Variants in JADE2 observed in about 807,000 individuals in gnomAD.
JADE2 encodes the protein jade family PHD finger 2.
A neutral mutation model predicts 85.7 loss-of-function variants in JADE2; 13 were observed. That is an observed-to-expected ratio of 0.15 (90% CI 0.10 to 0.24). The LOEUF (loss-of-function observed/expected upper bound fraction) is 0.24, where lower values mean the gene tolerates loss of function less well. Ranked by LOEUF, JADE2 falls within the 10% of genes least tolerant of loss-of-function variation. The pLI, the probability that JADE2 is intolerant of heterozygous loss-of-function variation, is 1.00. For synonymous variants in JADE2, 440 were observed against 456.1 expected (o/e 0.96, Z 0.45); for missense variants, 846 against 1,115.9 (o/e 0.76, Z 3.45).
chr5:134,555,718 A>G (rs1249487558), intron 4 of JADE2, among the ~76,000 whole-genome samples: 3 of 152,210 alleles, frequency 2.0e-5, no homozygotes, highest in Non-Finnish European at 4.4e-5. Flanking sequence ...CTGGTTCACA[A>G]CCAAATTACA....
At chr5:134,557,202 T>TGA (rs1763008491) in intron 4 of JADE2, among the ~76,000 whole-genome samples, 1 of 150,512 alleles carries the variant, frequency 6.6e-6, no homozygotes, top group African/African-American at 2.4e-5. Flanking sequence ...ATTGTTGTTA[T>TGA]TATGATGATG....
rs779194371 is a variant in JADE2 at position 134,578,776 on chromosome 5, C to T, written c.1964C>T (p.Pro655Leu). Residue 655 changes from proline to leucine, a missense_variant, in exon 12 of 12, where the codon CCG (proline) becomes CTG (leucine). Pro to Leu is a moderately conservative substitution (Grantham distance 98, BLOSUM62 -3). Around this residue, in one of 9 missense-constraint regions of JADE2, gnomAD observed 300 missense variants for 300.7 expected, o/e 1.00. Coordinates refer to ENST00000681547, the MANE Select transcript of JADE2 (RefSeq NM_001388185.1). The surrounding 1 kb of genome is among the most constrained non-coding windows in gnomAD (Gnocchi z 4.4). ...AAGAAGAAACCACCACCACCACCACCGCAGGACGGGCCTGGTTCACGGACG... is the reference window on the plus strand; with the variant it reads ...AAGAAGAAACCACCACCACCACCACTGCAGGACGGGCCTGGTTCACGGACG... ...PAKKKPPPPP[P>L]QDGPGSRTTP... 1.9e-5 allele frequency: 31 copies of T among 1,613,652 alleles called. No homozygotes were observed. The highest frequency in any genetic ancestry group is 1.6e-4 in the Middle Eastern group (1 of 6,080).
intron 10 of JADE2, 70 bp downstream of exon 10, chr5:134,573,832 G>T (rs1581482817): frequency 3.0e-6 from 3 of 1,000,848 alleles, no homozygotes; most frequent in South Asian, 2.5e-5. Context: ...TCCCAAGGAG[G>T]GTGTGTCTTT....
intron 2 of JADE2, 34 bp from the exon 3 acceptor site, chr5:134,537,955 C>T: frequency 6.4e-7 from 1 of 1,554,308 alleles, no homozygotes; most frequent in Non-Finnish European, 8.9e-7. Context: ...TCCTGGCCCT[C>T]CAGGACCCCT....
At chr5:134,539,156 G>A (rs1220666885) in intron 3 of JADE2, among the ~76,000 whole-genome samples, 1 of 151,778 alleles carries the variant, frequency 6.6e-6, no homozygotes, top group Non-Finnish European at 1.5e-5. Flanking sequence ...CCGCCTCTTG[G>A]GTTCACGCCA....
chr5:134,570,810 G>A (rs1490810321), intron 9 of JADE2, among the ~76,000 whole-genome samples: 2 of 152,176 alleles, frequency 1.3e-5, no homozygotes, highest in Admixed American at 6.5e-5. Context: ...TCCCAGGGCT[G>A]GAGACCTCAG....
chr5:134,525,524 G>A, upstream of JADE2: 1 of 313,528 alleles, frequency 3.2e-6, no homozygotes, highest in Non-Finnish European at 5.7e-6. Context: ...GGCGACGGGG[G>A]TGTCGGGAGC....
At chr5:134,526,696 G>A (rs1051901526) in intron 1 of JADE2, 1 of 985,502 alleles carries the variant, frequency 1.0e-6, no homozygotes, top group Non-Finnish European at 1.2e-6. Flanking sequence ...CTCGGCTCCT[G>A]GGGTTGGAGG....
Position 134,564,150 on chromosome 5 carries a change from G to A in JADE2, c.853-344G>A, listed in dbSNP as rs1038689054. The A allele has an allele frequency of 4.5e-5, 8 of 179,622 alleles. No homozygotes were observed. The East Asian group carries it at 7.4e-4, about 17-fold the overall frequency. 11.1% of individuals were successfully genotyped at this position (179,622 alleles called of 1,614,324 possible). ...AGGAGGATCTTGCATGTACCTATGC[G>A]CACACCAAAGCACCTGTCTGTCAAG... On this transcript the variant is annotated intron_variant, in intron 7 of 11. Coordinates refer to ENST00000681547, the MANE Select transcript of JADE2 (RefSeq NM_001388185.1).
intron 3 of JADE2, among the ~76,000 whole-genome samples, chr5:134,543,086 GT>G (rs1261794568): frequency 6.7e-6 from 1 of 149,850 alleles, no homozygotes; most frequent in African/African-American, 2.5e-5. Flanking sequence ...CCAGGTTGGA[GT>G]GGAGTGGTGT....
At chr5:134,526,571 C>G (rs1760835104) in intron 1 of JADE2, 2 of 985,296 alleles carry the variant, frequency 2.0e-6, no homozygotes, top group African/African-American at 3.5e-5. Context: ...TGACCTCGCG[C>G]TGGGCTCACG....
Position 134,581,670 on chromosome 5 carries a change from T to G in JADE2, c.*2353T>G, listed in dbSNP as rs1271738408. The G allele has an allele frequency of 2.0e-5, 3 of 152,986 alleles. No individual in the cohort carries two copies. Among genetic ancestry groups the G allele is most frequent in the African/African-American group, 7.2e-5 (3 of 41,444 alleles). 9.5% of individuals were successfully genotyped at this position (152,986 alleles called of 1,614,324 possible). ...GTTGGCCTCTGGATTCTGGCCCTTC[T>G]TCATTGGCTGTTGCTTTGGACTGGA... On this transcript the variant is annotated 3_prime_UTR_variant, in exon 12 of 12. Coordinates refer to ENST00000681547, the MANE Select transcript of JADE2 (RefSeq NM_001388185.1).
rs941209662 is a variant in JADE2, at chr5:134,525,737, G to T, written c.-275G>T. 63 of 1,230,474 alleles carry T rather than the reference G, an allele frequency of 5.1e-5. No individual in the cohort carries two copies. Among genetic ancestry groups the T allele is most frequent in the Non-Finnish European group, 6.2e-5 (60 of 964,178 alleles). 76.2% of individuals were successfully genotyped at this position (1,230,474 alleles called of 1,614,324 possible). A position where few individuals can be genotyped will look rare whatever the true frequency, so the allele number is the denominator to read the frequency against. On this transcript the variant is annotated 5_prime_UTR_variant, in exon 1 of 12. Transcript: ENST00000681547. ...CATCGCAGTTGGAGGCTATTTTTTG[G>T]GGGGGGTGAGTAGCGTCCATGGAGT... is the stretch of plus-strand genomic sequence containing the variant.
chr5:134,566,296 G>C lies in JADE2; in HGVS notation c.1150G>C (p.Gly384Arg), dbSNP rs1407721355. ...TGAGCCCACGGAACCCAGCCAGGCT[G>C]GCGAGGACCTGGAAAAGGTGACCCT... ...TSEPTEPSQA[G>R]EDLEKVTLRK... is the part of the protein sequence containing the mutation. Residue 384 changes from glycine to arginine, a missense_variant, in exon 9 of 12, where the codon GGC becomes CGC. By Grantham distance (125) the Gly-to-Arg change is moderately radical. Coordinates refer to ENST00000681547, the MANE Select transcript of JADE2 (RefSeq NM_001388185.1). This position sits in a 1 kb window ranked among gnomAD's most constrained non-coding sequence, Gnocchi z 6.7. 6.2e-7 allele frequency: 1 copy of C among 1,614,046 alleles called. No individual in the cohort carries two copies. Among genetic ancestry groups the C allele is most frequent in the Non-Finnish European group, 8.5e-7 (1 of 1,180,046 alleles).
At chr5:134,529,055 G>C (rs1432548819) in intron 1 of JADE2, among the ~76,000 whole-genome samples, 1 of 152,202 alleles carries the variant, frequency 6.6e-6, no homozygotes, top group African/African-American at 2.4e-5. Flanking sequence ...CCACATCCTT[G>C]AGGTTGGGAG....
chr5:134,539,575 T>C (rs1042707963), intron 3 of JADE2, among the ~76,000 whole-genome samples: 5 of 152,240 alleles, frequency 3.3e-5, no homozygotes, highest in Admixed American at 2.6e-4. Context: ...TCCTTTTTAA[T>C]CATTAAAACT....
intron 9 of JADE2, among the ~76,000 whole-genome samples, chr5:134,572,531 C>T (rs1447261767): frequency 6.6e-6 from 1 of 152,216 alleles, no homozygotes; most frequent in Non-Finnish European, 1.5e-5. Context: ...AGGCTGAACT[C>T]AGCCTTGAAG....
At chr5:134,571,502 G>C (rs142158965) in intron 9 of JADE2, among the ~76,000 whole-genome samples, 2 of 152,140 alleles carry the variant, frequency 1.3e-5, no homozygotes, top group Non-Finnish European at 2.9e-5. Flanking sequence ...TTCAAGACTA[G>C]CCTGGCCAAC....
At position 134,525,797 on chromosome 5, in the gene JADE2, G is replaced by C; in HGVS notation, c.-215G>C. On this transcript the variant is annotated 5_prime_UTR_variant, in exon 1 of 12. Transcript: ENST00000681547. ...CCCACTCCTAGCGGCACCGGCTTAG[G>C]TCCTGCGGGCCGACCGTCCCCGGCG... The C allele has an allele frequency of 9.6e-7, 1 of 1,043,582 alleles. No homozygotes were observed. The highest frequency in any genetic ancestry group is 1.7e-5 in the African/African-American group (1 of 57,694). 64.6% of individuals were successfully genotyped at this position (1,043,582 alleles called of 1,614,324 possible).
Sources: gnomAD v4.1 joint callset for allele counts (sites outside exome capture counted in the v4.1 genomes callset) on GRCh38, gnomAD v4.1.1 for gene constraint, gnomAD v4.1.1 regional missense constraint, Gnocchi (gnomAD v3.1) non-coding constraint, MANE v1.5 for transcripts, NCBI Gene and HGNC (gene_info 2026-07-23, HGNC 2026-07-21) for gene names.